Variants in DOK5 observed in about 807,000 individuals in gnomAD.
DOK5 encodes downstream of tyrosine kinase 5.
DOK5 carries 27 observed loss-of-function variants against 43.3 expected under a neutral mutation model. That is an observed-to-expected ratio of 0.62 (90% CI 0.46 to 0.86). The LOEUF is 0.86. Among genes scored for constraint, DOK5 ranks in the 40% least tolerant of loss-of-function variants. The pLI is 0.00. For synonymous variants in DOK5, 146 were observed against 140.1 expected, an observed-to-expected ratio of 1.04 and a Z score of -0.30; for missense variants, 373 against 392.9, an observed-to-expected ratio of 0.95 and a Z score of 0.43.
intron 6 of DOK5, among the ~76,000 whole-genome samples, chr20:54,615,886 C>T (rs1363320487): frequency 1.6e-4 from 23 of 142,608 alleles, no homozygotes; most frequent in Middle Eastern, 3.5e-3. Context: ...GGTGACAGAG[C>T]GAGACTCCAT....
chr20:54,546,664 T>C (rs990909768), intron 1 of DOK5, among the ~76,000 whole-genome samples: 5 of 151,646 alleles, frequency 3.3e-5, no homozygotes, highest in Non-Finnish European at 5.9e-5. Context: ...AGAAAGTCAA[T>C]GTGATTACAG....
At chr20:54,514,002 G>C (rs1049312422) in intron 1 of DOK5, among the ~76,000 whole-genome samples, 4 of 152,166 alleles carry the variant, frequency 2.6e-5, no homozygotes, top group African/African-American at 9.7e-5. Flanking sequence ...ATTCTGAAGG[G>C]ATTCAATAGC....
chr20:54,483,109 A>C (rs1981791388), intron 1 of DOK5, among the ~76,000 whole-genome samples: 1 of 152,146 alleles, frequency 6.6e-6, no homozygotes, highest in Admixed American at 6.5e-5. Flanking sequence ...GAGACGATTA[A>C]TTGTGCATAA....
At chr20:54,592,634 G>A (rs1440817039) in intron 5 of DOK5, among the ~76,000 whole-genome samples, 1 of 151,046 alleles carries the variant, frequency 6.6e-6, no homozygotes, top group Non-Finnish European at 1.5e-5. Flanking sequence ...TCCGCCTCCC[G>A]GGTTCACGCC....
At chr20:54,588,993 T>C (rs1323091253) in intron 4 of DOK5, among the ~76,000 whole-genome samples, 187 bp downstream of exon 4, 2 of 152,236 alleles carry the variant, frequency 1.3e-5, no homozygotes, top group Non-Finnish European at 2.9e-5. Context: ...CTTTTTCCAA[T>C]TCATAACATG....
At chr20:54,532,778 C>G (rs1254173060) in intron 1 of DOK5, among the ~76,000 whole-genome samples, 1 of 152,212 alleles carries the variant, frequency 6.6e-6, no homozygotes, top group Non-Finnish European at 1.5e-5. Context: ...TACCAGGAGG[C>G]TCAGAGACCT....
At chr20:54,487,254 A>T (rs970411104) in intron 1 of DOK5, among the ~76,000 whole-genome samples, 5 of 152,180 alleles carry the variant, frequency 3.3e-5, no homozygotes, top group African/African-American at 1.2e-4. Flanking sequence ...TAACTCAAAG[A>T]GTTGGTGACT....
chr20:54,494,969 G>T (rs1168784259), intron 1 of DOK5: 1 of 151,738 alleles, frequency 6.6e-6, no homozygotes, highest in Non-Finnish European at 1.5e-5. Context: ...AATCTGGCTT[G>T]ATTTTTTGGC....
At chr20:54,622,584 T>C (rs889759414) in intron 6 of DOK5, among the ~76,000 whole-genome samples, 4 of 152,208 alleles carry the variant, frequency 2.6e-5, no homozygotes, top group Admixed American at 6.5e-5. Context: ...AGACAACTTG[T>C]TTTGCTGACA....
intron 5 of DOK5, among the ~76,000 whole-genome samples, chr20:54,603,961 T>C (rs940813924): frequency 5.4e-5 from 8 of 146,802 alleles, no homozygotes; most frequent in Non-Finnish European, 9.0e-5. Flanking sequence ...TTTTTTTTTT[T>C]TTTGAGACGG....
chr20:54,594,196 T>C (rs977984678), intron 5 of DOK5, among the ~76,000 whole-genome samples: 3 of 152,124 alleles, frequency 2.0e-5, no homozygotes, highest in Non-Finnish European at 4.4e-5. Flanking sequence ...CTATTCATCA[T>C]TGGGTATATT....
At chr20:54,617,078 C>T (rs1986838106) in intron 6 of DOK5, among the ~76,000 whole-genome samples, 1 of 152,152 alleles carries the variant, frequency 6.6e-6, no homozygotes, top group Admixed American at 6.5e-5. Flanking sequence ...GCGTGAGCCA[C>T]TGCGCCCAGC....
At chr20:54,552,384 C>T (rs1984559022) in intron 1 of DOK5, among the ~76,000 whole-genome samples, 1 of 151,780 alleles carries the variant, frequency 6.6e-6, no homozygotes, top group Admixed American at 6.6e-5. Context: ...CTATGTTATC[C>T]TGCAGACAGA....
chr20:54,489,396 T>C (rs1307724817), intron 1 of DOK5, among the ~76,000 whole-genome samples: 2 of 151,990 alleles, frequency 1.3e-5, no homozygotes, highest in East Asian at 3.9e-4. Flanking sequence ...ATAAGTAGTT[T>C]TGTGTGTGTG....
chr20:54,612,257 T>G (rs1235656711), intron 6 of DOK5, among the ~76,000 whole-genome samples: 2 of 152,222 alleles, frequency 1.3e-5, no homozygotes, highest in Admixed American at 1.3e-4. Context: ...AAAGAGCAAG[T>G]GCCTGCCCCC....
chr20:54,535,853 TA>T (rs1014676957), intron 1 of DOK5, among the ~76,000 whole-genome samples: 4 of 152,116 alleles, frequency 2.6e-5, no homozygotes, highest in African/African-American at 4.8e-5. Flanking sequence ...CTGGACTTTT[TA>T]AAAAAAATAA....
intron 1 of DOK5, among the ~76,000 whole-genome samples, chr20:54,482,650 C>A (rs968609182): frequency 3.3e-5 from 5 of 152,226 alleles, no homozygotes; most frequent in Admixed American, 6.5e-5. Context: ...GCACATGTCA[C>A]CACAGTTGGC....
At chr20:54,523,889 C>T (rs1323199996) in intron 1 of DOK5, among the ~76,000 whole-genome samples, 3 of 152,124 alleles carry the variant, frequency 2.0e-5, no homozygotes, top group Non-Finnish European at 2.9e-5. Context: ...AGACATGAGC[C>T]ACCGCGCCCA....
chr20:54,617,857 A>G (rs1986862425), intron 6 of DOK5, among the ~76,000 whole-genome samples: 1 of 152,204 alleles, frequency 6.6e-6, no homozygotes. Context: ...CATCTACTAT[A>G]TGCCCAACTC....
Sources: allele counts gnomAD v4.1 joint callset (sites outside exome capture counted in the v4.1 genomes callset), GRCh38; gene constraint gnomAD v4.1.1; transcripts MANE v1.5; gene names NCBI Gene and HGNC (gene_info 2026-07-23, HGNC 2026-07-21).